The following SPATA18 variants were observed in gnomAD, a reference collection of about 807,000 sequenced individuals.
The protein encoded by SPATA18 is spermatogenesis associated 18, also known as mitochondria-eating protein.
A neutral mutation model predicts 68.1 loss-of-function variants in SPATA18; 54 were observed. The ratio of observed to expected loss-of-function variants is 0.79; its 90% CI spans 0.64 to 0.99. SPATA18 has a LOEUF of 0.99. Ranked by LOEUF, SPATA18 falls within the 50% of genes least tolerant of loss-of-function variation. The probability of loss-of-function intolerance (pLI) is 0.00; values close to 1 mark genes in which losing one functional copy is unlikely to be tolerated. For synonymous variants in SPATA18, 242 were observed against 244.8 expected (o/e 0.99, Z 0.11); for missense variants, 724 against 681.1 (o/e 1.06, Z -0.70).
At chr4:52,083,683 T>C (rs1377063602) in intron 10 of SPATA18, among the ~76,000 whole-genome samples, 1 of 151,140 alleles carries the variant, frequency 6.6e-6, no homozygotes, top group African/African-American at 2.4e-5. Context: ...AGGTTGAGGC[T>C]GTGTGAGCCA....
intron 10 of SPATA18, chr4:52,083,531 T>C (rs1324322963): frequency 1.1e-6 from 1 of 949,662 alleles, no homozygotes; most frequent in Non-Finnish European, 1.3e-6. Context: ...AGGAGGATTG[T>C]TTGAGGAGTT....
At chr4:52,054,178 T>G (rs962926006) in intron 1 of SPATA18, among the ~76,000 whole-genome samples, 1 of 152,244 alleles carries the variant, frequency 6.6e-6, no homozygotes, top group Non-Finnish European at 1.5e-5. Context: ...TAATTTGACT[T>G]AAGTCCAATT....
chr4:52,074,863 G>A (rs1262744323), intron 6 of SPATA18, among the ~76,000 whole-genome samples: 1 of 152,158 alleles, frequency 6.6e-6, no homozygotes, highest in Admixed American at 6.5e-5. Context: ...GGGTAGGAAG[G>A]TGTGATAAGA....
chr4:52,097,014 C>G lies in SPATA18; in HGVS notation c.*2127C>G, dbSNP rs1742482927. The G allele has an allele frequency of 6.6e-6, 1 of 152,098 alleles. No individual in the cohort carries two copies. Among genetic ancestry groups the G allele is most frequent in the Admixed American group, 6.6e-5 (1 of 15,258 alleles). The allele number at this position is 152,098 out of a possible 1,614,324, so 9.4% of individuals were successfully genotyped here. On this transcript the variant is annotated 3_prime_UTR_variant, in exon 13 of 13. Transcript: ENST00000295213. ...GCTTTCTACCCTGCCTGGCCACTTG[C>G]TGTTTCTTCAGTTTCTAATTTGAGC...
intron 1 of SPATA18, among the ~76,000 whole-genome samples, chr4:52,054,548 T>C (rs1291144663): frequency 1.3e-5 from 2 of 152,160 alleles, no homozygotes; most frequent in South Asian, 2.1e-4. Context: ...TAAGCAAACA[T>C]GCATGTTACG....
chr4:52,084,908 T>C lies in SPATA18; in HGVS notation c.1480-8T>C, dbSNP rs761709937. ...ACTATGTCTCTCTCTTTCTCTCTCT[T>C]TTTTAAGTGGAATTCGGTGCGATCT... is the stretch of plus-strand genomic sequence containing the variant. On this transcript the variant is annotated splice_region_variant and splice_polypyrimidine_tract_variant and intron_variant, in intron 10 of 12. Coordinates refer to ENST00000295213, the MANE Select transcript of SPATA18 (RefSeq NM_145263.4). The C allele has an allele frequency of 6.2e-7, 1 of 1,613,908 alleles. No homozygotes were observed. The highest frequency in any genetic ancestry group is 1.1e-5 in the South Asian group (1 of 91,038).
At chr4:52,089,765 T>G (rs1476937990) in intron 11 of SPATA18, among the ~76,000 whole-genome samples, 1 of 152,234 alleles carries the variant, frequency 6.6e-6, no homozygotes, top group African/African-American at 2.4e-5. Context: ...TTCTGTTGAT[T>G]TGGGGTGGAG....
At chr4:52,073,330 T>C (rs995985277) in intron 6 of SPATA18, among the ~76,000 whole-genome samples, 3 of 152,242 alleles carry the variant, frequency 2.0e-5, no homozygotes, top group Non-Finnish European at 4.4e-5. Context: ...CCTCCCTTTA[T>C]GGAGACCCGT....
chr4:52,070,867 C>T (rs975785370), intron 5 of SPATA18, among the ~76,000 whole-genome samples: 17 of 143,970 alleles, frequency 1.2e-4, no homozygotes, highest in Admixed American at 8.2e-4. Context: ...TCTCCCCCTC[C>T]CAAAAGAGTA....
chr4:52,084,294 A>T (rs962992326), intron 10 of SPATA18, among the ~76,000 whole-genome samples: 1 of 152,190 alleles, frequency 6.6e-6, no homozygotes, highest in Admixed American at 6.5e-5. Flanking sequence ...GCATATCAGG[A>T]ACATTTGTCC....
In SPATA18 at chr4:52,062,224, C is replaced by T. The variant is rs113402846; in HGVS notation, c.314C>T (p.Thr105Met). 2.4e-5 allele frequency: 37 copies of T among 1,516,162 alleles called. No homozygotes were observed. Among genetic ancestry groups the T allele is most frequent in the African/African-American group, 1.3e-4 (9 of 68,798 alleles). The allele number at this position is 1,516,162 out of a possible 1,614,324, so 93.9% of individuals were successfully genotyped here. ...TTTTTTGGTGTATCTTTCCAGGACACGTTTGATAGGGAGAGACATAAAGAT... is the reference window on the plus strand; with the variant it reads ...TTTTTTGGTGTATCTTTCCAGGACATGTTTGATAGGGAGAGACATAAAGAT... ...VDSKVPSLQD[T>M]FDRERHKDPS... The change falls in exon 4 of 13, where the codon ACG becomes ATG. Residue 105 changes from threonine (T) to methionine (M), a missense_variant. Coordinates refer to ENST00000295213, the MANE Select transcript of SPATA18 (RefSeq NM_145263.4).
chr4:52,083,556 G>A, intron 10 of SPATA18: 2 of 827,090 alleles, frequency 2.4e-6, no homozygotes, highest in Non-Finnish European at 2.9e-6. Flanking sequence ...ATGAGCCTGG[G>A]CAACATAGCG....
chr4:52,072,233 A>G, intron 6 of SPATA18, 77 bp downstream of exon 6: 1 of 1,545,316 alleles, frequency 6.5e-7, no homozygotes, highest in Non-Finnish European at 8.7e-7. Flanking sequence ...GGAAATAAGT[A>G]AAATGATAAA....
chr4:52,073,358 G>A (rs899401246), intron 6 of SPATA18, among the ~76,000 whole-genome samples: 1 of 152,186 alleles, frequency 6.6e-6, no homozygotes, highest in Non-Finnish European at 1.5e-5. Flanking sequence ...AGGCTAGCTA[G>A]TCTGATAATT....
chr4:52,077,062 C>G, intron 7 of SPATA18, 22 bp downstream of exon 7: 1 of 1,575,112 alleles, frequency 6.3e-7, no homozygotes. Flanking sequence ...CTGCGGGACT[C>G]CCGGCTCCTT....
rs140542944 is a variant in SPATA18 at position 52,084,094 on chromosome 4, G to A, written c.1480-822G>A. ...ATTGAGTCCATAGAAATAGAAATTG[G>A]GTTTTATTGATCCAACAGCTACACA... is the stretch of plus-strand genomic sequence containing the variant. On this transcript the variant is annotated intron_variant, in intron 10 of 12. Transcript: ENST00000295213. Among the ~76,000 whole-genome samples the A allele has an allele frequency of 3.0e-3, 454 of 151,746 alleles. 3 individuals are homozygous for A. Among genetic ancestry groups the A allele is most frequent in the African/African-American group, 0.01 (426 of 41,380 alleles).
intron 11 of SPATA18, among the ~76,000 whole-genome samples, chr4:52,086,319 T>A (rs10019832): frequency 0.13 from 19,797 of 152,158 alleles, 1,493 homozygotes; most frequent in South Asian, 0.28. Context: ...TGCAGTTTTG[T>A]TACATAGGTA....
chr4:52,067,493 T>A (rs944605573), intron 4 of SPATA18, among the ~76,000 whole-genome samples: 1 of 152,194 alleles, frequency 6.6e-6, no homozygotes, highest in Non-Finnish European at 1.5e-5. Flanking sequence ...CACTTTCCCC[T>A]GACCCAGTCT....
At chr4:52,082,628 A>G (rs1313766961) in intron 10 of SPATA18, 118 bp downstream of exon 10, 1 of 1,593,584 alleles carries the variant, frequency 6.3e-7, no homozygotes, top group Admixed American at 1.7e-5. Flanking sequence ...AAGATTTCAT[A>G]CAAAGGAGAG....
Sources: gnomAD v4.1 joint callset for allele counts (sites outside exome capture counted in the v4.1 genomes callset) on GRCh38, gnomAD v4.1.1 for gene constraint, MANE v1.5 for transcripts, NCBI Gene and HGNC (gene_info 2026-07-23, HGNC 2026-07-21) for gene names.